ZSCAN1: variants seen among roughly 807,000 people sequenced by gnomAD.
ZSCAN1 encodes zinc finger and SCAN domain containing 1.
In ZSCAN1, 23 loss-of-function variants were observed where a neutral mutation model predicts 23.8. That is an observed-to-expected ratio of 0.97 (90% CI 0.70 to 1.37). The LOEUF is 1.37. Among genes scored for constraint, ZSCAN1 ranks in the 40% most tolerant of loss-of-function variants. The pLI is 0.00. For synonymous variants in ZSCAN1, 236 were observed against 232.3 expected, an observed-to-expected ratio of 1.02 and a Z score of -0.15; for missense variants, 575 against 554.0, an observed-to-expected ratio of 1.04 and a Z score of -0.38.
Position 58,047,690 on chromosome 19 carries a change from C to G in ZSCAN1, c.466-4800C>G, listed in dbSNP as rs556571229. 1.3e-5 allele frequency among the ~76,000 whole-genome samples: 2 copies of G among 152,226 alleles called. No individual in the cohort carries two copies. Among genetic ancestry groups the G allele is most frequent in the Non-Finnish European group, 2.9e-5 (2 of 68,036 alleles). Reference sequence around the variant, plus strand: ...AGTCCAGTGCACCCACAGCAGCATACCCTTCTCACCCCTTGTGGTGTTGCA... The same window carrying G: ...AGTCCAGTGCACCCACAGCAGCATAGCCTTCTCACCCCTTGTGGTGTTGCA... On this transcript the variant is annotated intron_variant, in intron 4 of 5. Transcript: ENST00000282326. This position sits in a 1 kb window ranked among gnomAD's most constrained non-coding sequence, Gnocchi z 4.9.
intron 4 of ZSCAN1, among the ~76,000 whole-genome samples, chr19:58,042,496 G>GA (rs1022870058): frequency 5.3e-5 from 8 of 151,974 alleles, no homozygotes; most frequent in Non-Finnish European, 1.2e-4. Context: ...CTGACCTCGT[G>GA]ATCCACCCGC....
intron 4 of ZSCAN1, among the ~76,000 whole-genome samples, chr19:58,041,585 C>T (rs756583524): frequency 9.2e-5 from 14 of 152,300 alleles, no homozygotes; most frequent in Admixed American, 2.6e-4. Flanking sequence ...TAACAAAATA[C>T]GGCTGGGTGT....
Position 58,040,831 on chromosome 19 carries a change from G to C in ZSCAN1, c.465+287G>C, listed in dbSNP as rs569643875. On this transcript the variant is annotated intron_variant, in intron 4 of 5. Transcript: ENST00000282326. This position sits in a 1 kb window ranked among gnomAD's most constrained non-coding sequence, Gnocchi z 5.8. ...CCTCGCAGTTAAGACCCATCCTCCTGTGTCACCCGCACCAGATGCTGCGTG... is the reference window on the plus strand; with the variant it reads ...CCTCGCAGTTAAGACCCATCCTCCTCTGTCACCCGCACCAGATGCTGCGTG... Among the ~76,000 whole-genome samples the C allele has an allele frequency of 3.9e-4, 60 of 152,316 alleles. No individual in the cohort carries two copies. Among genetic ancestry groups the C allele is most frequent in the African/African-American group, 1.4e-3 (58 of 41,578 alleles).
chr19:58,050,339 G>A (rs1008841854), intron 4 of ZSCAN1, among the ~76,000 whole-genome samples: 2 of 151,700 alleles, frequency 1.3e-5, no homozygotes, highest in African/African-American at 4.8e-5. Flanking sequence ...GGGAGGCTGA[G>A]GCATAAGAAT....
At position 58,044,937 on chromosome 19, in the gene ZSCAN1, C is replaced by T. The variant is rs1360042837; in HGVS notation, c.465+4393C>T. ...ACTCTTCGCGCCCTGTTGGTGATGA[C>T]TCGGTAGTAGAGAAGTCCCTCAAGT... On this transcript the variant is annotated intron_variant, in intron 4 of 5. Transcript: ENST00000282326. The T allele has an allele frequency of 2.2e-5, 21 of 966,720 alleles. No individual in the cohort carries two copies. The East Asian group carries it at 4.4e-4, about 20-fold the overall frequency. The allele number at this position is 966,720 out of a possible 1,614,324, so 59.9% of individuals were successfully genotyped here.
intron 4 of ZSCAN1, among the ~76,000 whole-genome samples, chr19:58,042,609 C>T (rs1465658233): frequency 1.3e-5 from 2 of 152,084 alleles, no homozygotes; most frequent in Admixed American, 1.3e-4. Context: ...TTTCGTGGGC[C>T]GTGGTTTCTG....
intron 1 of ZSCAN1, among the ~76,000 whole-genome samples, 166 bp from the exon 2 acceptor site, chr19:58,035,804 A>C (rs2073730840): frequency 6.6e-6 from 1 of 152,160 alleles, no homozygotes; most frequent in South Asian, 2.1e-4. Flanking sequence ...TGGATTGTAA[A>C]ACCAGATGCA....
At chr19:58,041,257 A>G (rs1206827985) in intron 4 of ZSCAN1, among the ~76,000 whole-genome samples, 1 of 152,226 alleles carries the variant, frequency 6.6e-6, no homozygotes, top group Non-Finnish European at 1.5e-5. Context: ...TTGCTCACAG[A>G]CCAGAGACCG....
At chr19:58,046,948 T>C (rs547385614) in intron 4 of ZSCAN1, among the ~76,000 whole-genome samples, 11 of 152,174 alleles carry the variant, frequency 7.2e-5, no homozygotes, top group African/African-American at 2.4e-4. Context: ...CTGTCTGGAG[T>C]CCCAGAATCC....
At chr19:58,042,038 C>T (rs951040145) in intron 4 of ZSCAN1, among the ~76,000 whole-genome samples, 2 of 152,164 alleles carry the variant, frequency 1.3e-5, no homozygotes, top group African/African-American at 4.8e-5. Context: ...GAGGAACAGG[C>T]TATGACCTAA....
rs769014984 is a variant in ZSCAN1, at chr19:58,045,834, C to G, written c.465+5290C>G. 5 of 1,312,058 alleles carry G rather than the reference C, an allele frequency of 3.8e-6. No individual in the cohort carries two copies. The highest frequency in any genetic ancestry group is 5.5e-6 in the Non-Finnish European group (5 of 904,806). 81.3% of individuals were successfully genotyped at this position (1,312,058 alleles called of 1,614,324 possible). On this transcript the variant is annotated intron_variant, in intron 4 of 5. Coordinates refer to ENST00000282326, the MANE Select transcript of ZSCAN1 (RefSeq NM_182572.4). The surrounding 1 kb of genome is among the most constrained non-coding windows in gnomAD (Gnocchi z 4.3). ...TCATCCTGTCCCGGACCATGTAGCTCCCGGACACCCTCTTGCCAGCCGACC... is the reference window on the plus strand; with the variant it reads ...TCATCCTGTCCCGGACCATGTAGCTGCCGGACACCCTCTTGCCAGCCGACC...
intron 4 of ZSCAN1, among the ~76,000 whole-genome samples, chr19:58,042,423 A>ATT (rs545338363): frequency 1.3e-4 from 20 of 151,504 alleles, no homozygotes; most frequent in African/African-American, 4.8e-4. Context: ...TCCCCGGCTA[A>ATT]TTTTTTTTGT....
Position 58,045,135 on chromosome 19 carries a change from C to T in ZSCAN1, c.465+4591C>T. 1.6e-6 allele frequency: 2 copies of T among 1,245,020 alleles called. No homozygotes were observed. The highest frequency in any genetic ancestry group is 1.2e-5 in the South Asian group (1 of 82,796). 77.1% of individuals were successfully genotyped at this position (1,245,020 alleles called of 1,614,324 possible). ...CAAGATCGCAGCACGCATGCTCTGG[C>T]GCATCCTCAACTGCCACACCCTGAC... On this transcript the variant is annotated intron_variant, in intron 4 of 5. Transcript: ENST00000282326. This position sits in a 1 kb window ranked among gnomAD's most constrained non-coding sequence, Gnocchi z 4.3.
rs894462894 is a variant in ZSCAN1, at chr19:58,040,335, C to T, written c.371-115C>T. On this transcript the variant is annotated intron_variant, in intron 3 of 5. Coordinates refer to ENST00000282326, the MANE Select transcript of ZSCAN1 (RefSeq NM_182572.4). This position sits in a 1 kb window ranked among gnomAD's most constrained non-coding sequence, Gnocchi z 5.8. ...ACAGCCCTGCAGCCACTCTTGCCTG[C>T]GCCTCAGGGGTGCTGCAGGGATGTT... 20 of 1,059,960 alleles carry T rather than the reference C, an allele frequency of 1.9e-5. No homozygotes were observed. The highest frequency in any genetic ancestry group is 1.7e-4 in the South Asian group (12 of 69,940). The allele number at this position is 1,059,960 out of a possible 1,614,324, so 65.7% of individuals were successfully genotyped here. A position where few individuals can be genotyped will look rare whatever the true frequency, so the allele number is the denominator to read the frequency against.
chr19:58,045,314 G>A lies in ZSCAN1; in HGVS notation c.465+4770G>A. On this transcript the variant is annotated intron_variant, in intron 4 of 5. Transcript: ENST00000282326. This position sits in a 1 kb window ranked among gnomAD's most constrained non-coding sequence, Gnocchi z 4.3. ...TGTTGCCATCCACATCCGAGACTCA[G>A]TCCATCAAGGAGAAGAGGCTGAAGG... 1.3e-6 allele frequency: 1 copy of A among 793,242 alleles called. No homozygotes were observed. The highest frequency in any genetic ancestry group is 1.7e-5 in the African/African-American group (1 of 59,436). 49.1% of individuals were successfully genotyped at this position (793,242 alleles called of 1,614,324 possible).
At chr19:58,044,850 G>C (rs559616801) in intron 4 of ZSCAN1, 1 of 766,102 alleles carries the variant, frequency 1.3e-6, no homozygotes, top group South Asian at 1.4e-5. Context: ...GAGCGCCATG[G>C]ACCTCCACCT....
intron 4 of ZSCAN1, among the ~76,000 whole-genome samples, chr19:58,050,469 A>T (rs1331033576): frequency 6.6e-6 from 1 of 152,066 alleles, no homozygotes; most frequent in East Asian, 1.9e-4. Flanking sequence ...TATTAAGATA[A>T]TTCCTCAACA....
Position 58,040,091 on chromosome 19 carries a change from G to A in ZSCAN1, c.371-359G>A, listed in dbSNP as rs1238177537. On this transcript the variant is annotated intron_variant, in intron 3 of 5. Coordinates refer to ENST00000282326, the MANE Select transcript of ZSCAN1 (RefSeq NM_182572.4). The surrounding 1 kb of genome is among the most constrained non-coding windows in gnomAD (Gnocchi z 5.8). ...TGTCCTGAACCCTGCTTCAGCAGTC[G>A]TCCTCTGTGCACTCTGTGCACACAG... Among the ~76,000 whole-genome samples, 8 of 152,134 alleles carry A rather than the reference G, an allele frequency of 5.3e-5. 1 individual carries two copies. Among genetic ancestry groups the A allele is most frequent in the South Asian group, 4.1e-4 (2 of 4,830 alleles).
chr19:58,047,435 G>A lies in ZSCAN1; in HGVS notation c.466-5055G>A, dbSNP rs1472006174. Among the ~76,000 whole-genome samples, 1 of 152,160 alleles carries A rather than the reference G, an allele frequency of 6.6e-6. No homozygotes were observed. Among genetic ancestry groups the A allele is most frequent in the African/African-American group, 2.4e-5 (1 of 41,442 alleles). On this transcript the variant is annotated intron_variant, in intron 4 of 5. Coordinates refer to ENST00000282326, the MANE Select transcript of ZSCAN1 (RefSeq NM_182572.4). The surrounding 1 kb of genome is among the most constrained non-coding windows in gnomAD (Gnocchi z 4.9). Reference sequence around the variant, plus strand: ...CTATTTTCCCCCAATTCTTTAAGCAGTCGATTGGCACAGAGTTTTCCCACG... The same window carrying A: ...CTATTTTCCCCCAATTCTTTAAGCAATCGATTGGCACAGAGTTTTCCCACG...
Sources: allele counts gnomAD v4.1 joint callset (sites outside exome capture counted in the v4.1 genomes callset), GRCh38; gene constraint gnomAD v4.1.1; non-coding constraint Gnocchi (gnomAD v3.1); transcripts MANE v1.5; gene names NCBI Gene and HGNC (gene_info 2026-07-23, HGNC 2026-07-21).